ZFP1: variants seen among roughly 807,000 people sequenced by gnomAD.
The protein encoded by ZFP1 is zinc finger protein 1 homolog.
Under a neutral mutation model 38.5 loss-of-function variants are expected in ZFP1, and 32 were observed. The ratio of observed to expected loss-of-function variants is 0.83; its 90% CI spans 0.63 to 1.12. ZFP1 has a LOEUF of 1.12. Ranked by LOEUF, ZFP1 falls within the 50% of genes most tolerant of loss-of-function variation. ZFP1 has a pLI of 0.00. For synonymous variants in ZFP1, 245 were observed against 168.8 expected, an observed-to-expected ratio of 1.45 and a Z score of -3.50; for missense variants, 616 against 480.8, an observed-to-expected ratio of 1.28 and a Z score of -2.63.
intron 2 of ZFP1, among the ~76,000 whole-genome samples, chr16:75,161,458 G>A (rs527425382): frequency 6.6e-6 from 1 of 151,448 alleles, no homozygotes; most frequent in Non-Finnish European, 1.5e-5. Flanking sequence ...GATGCCTTTT[G>A]GTAATTGTAG....
chr16:75,139,605 T>C, the ZFP1 span, among the ~76,000 whole-genome samples: 1 of 151,912 alleles, frequency 6.6e-6, no homozygotes, highest in Non-Finnish European at 1.5e-5. Flanking sequence ...GGTGGGAGGA[T>C]TGCTTGAGGC....
chr16:75,136,876 A>G, the ZFP1 span, among the ~76,000 whole-genome samples: 1 of 135,776 alleles, frequency 7.4e-6, no homozygotes, highest in Non-Finnish European at 1.5e-5. Flanking sequence ...GTCTCAAAAA[A>G]GAAAAGAAAA....
intron 2 of ZFP1, among the ~76,000 whole-genome samples, chr16:75,163,510 C>G (rs1421336045): frequency 6.6e-6 from 1 of 151,938 alleles, no homozygotes; most frequent in African/African-American, 2.4e-5. Flanking sequence ...CGGGGTTTCA[C>G]CATGTTGTCC....
Position 75,170,397 on chromosome 16 carries a change from T to G in ZFP1, c.*63T>G. 3.3e-6 allele frequency: 5 copies of G among 1,499,278 alleles called. No individual in the cohort carries two copies. The highest frequency in any genetic ancestry group is 4.4e-6 in the Non-Finnish European group (5 of 1,124,942). 92.9% of individuals were successfully genotyped at this position (1,499,278 alleles called of 1,614,324 possible). On this transcript the variant is annotated 3_prime_UTR_variant, in exon 4 of 4. Transcript: ENST00000570010. ...GAACTCTTCAAGCGGGTGAAAAACC[T>G]CATGACAGTATTGAGGGAACATGGG...
At chr16:75,164,340 T>C (rs1490851973) in intron 2 of ZFP1, among the ~76,000 whole-genome samples, 5 of 152,248 alleles carry the variant, frequency 3.3e-5, no homozygotes, top group Non-Finnish European at 7.3e-5. Flanking sequence ...GTTTATATTT[T>C]TTCAGTACTT....
chr16:75,160,344 C>A (rs1362362404), intron 2 of ZFP1, among the ~76,000 whole-genome samples: 3 of 152,018 alleles, frequency 2.0e-5, no homozygotes, highest in Non-Finnish European at 2.9e-5. Context: ...ACCAGTCTTG[C>A]CAACATGTAC....
chr16:75,163,776 T>G (rs751148739), intron 2 of ZFP1, among the ~76,000 whole-genome samples: 1 of 151,748 alleles, frequency 6.6e-6, no homozygotes, highest in African/African-American at 2.4e-5. Flanking sequence ...CACGTCCAGC[T>G]AGGTGTTCTG....
chr16:75,127,613 G>C, the ZFP1 span, among the ~76,000 whole-genome samples: 2 of 152,100 alleles, frequency 1.3e-5, no homozygotes, highest in Non-Finnish European at 2.9e-5. Flanking sequence ...GAGTCACTGT[G>C]TCTGGCCTAA....
the ZFP1 span, chr16:75,127,940 T>G: frequency 6.6e-6 from 1 of 152,272 alleles, no homozygotes. Flanking sequence ...CTACAGATTT[T>G]GGAAACTATT....
intron 3 of ZFP1, among the ~76,000 whole-genome samples, chr16:75,168,445 C>G (rs2038220293): frequency 6.6e-6 from 1 of 151,958 alleles, no homozygotes; most frequent in Non-Finnish European, 1.5e-5. Flanking sequence ...TGCCACTGCA[C>G]TCCAGCCTGG....
the ZFP1 span, chr16:75,127,878 A>C: frequency 1.3e-5 from 2 of 152,238 alleles, no homozygotes; most frequent in African/African-American, 4.8e-5. Context: ...AATTGAGTTA[A>C]GTATACTCAA....
the ZFP1 span, among the ~76,000 whole-genome samples, chr16:75,132,089 G>C: frequency 6.6e-6 from 1 of 151,790 alleles, no homozygotes; most frequent in Admixed American, 6.6e-5. Flanking sequence ...GCATGTATTT[G>C]TTAAAGAAAC....
rs758570129 is a variant in ZFP1 at position 75,169,345 on chromosome 16, A to G, written c.235A>G (p.Ile79Val). 97 of 1,614,048 alleles carry G rather than the reference A, an allele frequency of 6.0e-5. No individual in the cohort carries two copies. The highest frequency in any genetic ancestry group is 8.5e-6 in the Non-Finnish European group (10 of 1,180,018). ...QFLILKNQTP[I>V]EERGDLFGKA... ...TTTAATTCTTAAGAACCAAACCCCA[A>G]TTGAGGAAAGAGGCGATCTCTTTGG... The change falls in exon 4 of 4, where the codon ATT (isoleucine) becomes GTT (valine). Residue 79 changes from isoleucine to valine, a missense_variant. Physicochemically the swap from Ile to Val is conservative, Grantham distance 29. Transcript: ENST00000570010.
chr16:75,120,243 G>A, the ZFP1 span, among the ~76,000 whole-genome samples: 1 of 152,078 alleles, frequency 6.6e-6, no homozygotes, highest in Non-Finnish European at 1.5e-5. Context: ...CTTTTTTTGA[G>A]CGAAAGTTTT....
At chr16:75,158,898 G>A (rs1597055557) in intron 2 of ZFP1, among the ~76,000 whole-genome samples, 1 of 138,802 alleles carries the variant, frequency 7.2e-6, no homozygotes, top group South Asian at 2.2e-4. Flanking sequence ...GATTGTTTTT[G>A]TCTTGTCTTT....
intron 2 of ZFP1, among the ~76,000 whole-genome samples, chr16:75,162,893 T>C (rs1200227191): frequency 6.7e-6 from 1 of 149,736 alleles, no homozygotes; most frequent in Non-Finnish European, 1.5e-5. Context: ...TATTATATTT[T>C]AAATGTATTA....
At chr16:75,135,982 AT>A in the ZFP1 span, among the ~76,000 whole-genome samples, 1 of 152,206 alleles carries the variant, frequency 6.6e-6, no homozygotes, top group East Asian at 1.9e-4. Context: ...TGCCTGGCTA[AT>A]TTTTATATTT....
In ZFP1 at chr16:75,170,221, T is replaced by A; in HGVS notation, c.1111T>A (p.Leu371Met). Residue 371 changes from leucine (L) to methionine (M), a missense_variant, in exon 4 of 4, where the codon TTG (leucine) becomes ATG (methionine). Coordinates refer to ENST00000570010, the MANE Select transcript of ZFP1 (RefSeq NM_153688.4). ...CCAGAGGTCAACTCTTAGATTACAC[T>A]TGCGAATCCACACAGGAGAGAAACC... Reference protein sequence around the residue: ...FSQRSTLRLHLRIHTGEKPYE... With the variant: ...FSQRSTLRLHMRIHTGEKPYE... The A allele has an allele frequency of 6.2e-7, 1 of 1,614,016 alleles. No individual in the cohort carries two copies. Among genetic ancestry groups the A allele is most frequent in the East Asian group, 2.2e-5 (1 of 44,880 alleles).
chr16:75,137,326 CTG>C, the ZFP1 span, among the ~76,000 whole-genome samples: 14 of 152,106 alleles, frequency 9.2e-5, no homozygotes, highest in African/African-American at 3.4e-4. Flanking sequence ...TAATAAGTAA[CTG>C]AGGCTGGGTG....
Sources: gnomAD v4.1 joint callset for allele counts (sites outside exome capture counted in the v4.1 genomes callset) on GRCh38, gnomAD v4.1.1 for gene constraint, MANE v1.5 for transcripts, NCBI Gene and HGNC (gene_info 2026-07-23, HGNC 2026-07-21) for gene names.